EYA2: variants seen among roughly 807,000 people sequenced by gnomAD.
EYA2 encodes protein phosphatase EYA2.
Under a neutral mutation model 69.2 loss-of-function variants are expected in EYA2, and 31 were observed. The observed-to-expected ratio is 0.45, with a 90% CI of 0.34 to 0.60. The LOEUF (loss-of-function observed/expected upper bound fraction) is 0.60. EYA2 is among the 20% of genes least tolerant of loss of function. The pLI, the probability that EYA2 is intolerant of heterozygous loss-of-function variation, is 0.02. For synonymous variants in EYA2, 257 were observed against 279.4 expected (o/e 0.92, Z 0.80); for missense variants, 622 against 701.2 (o/e 0.89, Z 1.28).
chr20:47,182,075 G>A (rs538154645), intron 14 of EYA2, among the ~76,000 whole-genome samples: 89 of 152,016 alleles, frequency 5.9e-4, no homozygotes, highest in Non-Finnish European at 9.4e-4. Context: ...GAGGGCAGTG[G>A]TGCAATCTCG....
In EYA2 at chr20:47,004,944, C is replaced by A; in HGVS notation, c.158C>A (p.Ser53Tyr). The change falls in exon 4 of 16, where the codon TCT (serine) becomes TAT (tyrosine). Residue 53 changes from serine (S) to tyrosine (Y), a missense_variant and splice_region_variant. Transcript: ENST00000327619. ...TAATCTTCCCTCTTTCCACACAGAT[C>A]TTGCCCACGTGTCCTCCCCCGCCAG... ...PLRVSQLFSR[S>Y]CPRVLPRQPS... 6.2e-7 allele frequency: 1 copy of A among 1,614,104 alleles called. No individual in the cohort carries two copies. The highest frequency in any genetic ancestry group is 8.5e-7 in the Non-Finnish European group (1 of 1,179,990).
chr20:47,015,132 A>G (rs6124917), intron 4 of EYA2, among the ~76,000 whole-genome samples: 14,149 of 152,306 alleles, frequency 0.093, 1,095 homozygotes, highest in East Asian at 0.35. Flanking sequence ...ATTGTGTTCC[A>G]TAAAGCTGGT....
intron 10 of EYA2, among the ~76,000 whole-genome samples, chr20:47,146,076 G>T (rs953565113): frequency 6.6e-6 from 1 of 152,068 alleles, no homozygotes; most frequent in Non-Finnish European, 1.5e-5. Context: ...TGTGGAGGTT[G>T]GGGGAGAGAG....
At chr20:47,093,716 TG>T (rs2032158115) in intron 8 of EYA2, among the ~76,000 whole-genome samples, 2 of 152,258 alleles carry the variant, frequency 1.3e-5, no homozygotes, top group South Asian at 4.1e-4. Flanking sequence ...CCAAGAGCCA[TG>T]CCCTGTGCAC....
intron 12 of EYA2, among the ~76,000 whole-genome samples, chr20:47,174,779 T>A (rs1411668533): frequency 6.6e-6 from 1 of 152,214 alleles, no homozygotes; most frequent in Non-Finnish European, 1.5e-5. Context: ...TGACGGAGGT[T>A]AAGTAACCTG....
chr20:47,031,853 GA>G (rs1276686885), intron 5 of EYA2, among the ~76,000 whole-genome samples: 3 of 151,406 alleles, frequency 2.0e-5, no homozygotes, highest in African/African-American at 4.9e-5. Flanking sequence ...TGAGAAAAAG[GA>G]AAAAAAATGC....
intron 9 of EYA2, among the ~76,000 whole-genome samples, chr20:47,122,267 A>C (rs1037679604): frequency 1.0e-4 from 15 of 146,894 alleles, no homozygotes; most frequent in African/African-American, 3.3e-4. Flanking sequence ...CTGAAATGAA[A>C]TGTTTCTTAG....
At position 47,188,397 on chromosome 20, in the gene EYA2, C is replaced by G. The variant is rs1162896819; in HGVS notation, c.*264C>G. ...AGTCTAGACTCTTCTGTAAGACTCA[C>G]AGAACAAAAGCAAGGAATTGCTGAT... On this transcript the variant is annotated 3_prime_UTR_variant, in exon 16 of 16. Transcript: ENST00000327619. 2.4e-5 allele frequency: 14 copies of G among 574,306 alleles called. No homozygotes were observed. The highest frequency in any genetic ancestry group is 4.0e-5 in the Non-Finnish European group (13 of 322,734). 35.6% of individuals were successfully genotyped at this position (574,306 alleles called of 1,614,324 possible). A position where few individuals can be genotyped will look rare whatever the true frequency, so the allele number is the denominator to read the frequency against.
intron 4 of EYA2, among the ~76,000 whole-genome samples, chr20:47,014,062 G>T (rs1347148984): frequency 6.6e-6 from 1 of 152,180 alleles, no homozygotes; most frequent in Non-Finnish European, 1.5e-5. Context: ...TGGGATTGAT[G>T]TGAGGATAAA....
intron 10 of EYA2, among the ~76,000 whole-genome samples, chr20:47,145,478 A>G (rs1051667716): frequency 6.6e-6 from 1 of 152,194 alleles, no homozygotes; most frequent in Non-Finnish European, 1.5e-5. Context: ...TATTACAGCA[A>G]TCGAAGCTCA....
chr20:47,072,111 A>C, intron 5 of EYA2, 74 bp from the exon 6 acceptor site: 1 of 1,380,410 alleles, frequency 7.2e-7, no homozygotes, highest in Non-Finnish European at 1.0e-6. Context: ...GAGGTTCATG[A>C]AATGCTAACA....
At chr20:47,094,710 A>G (rs2073582620) in intron 8 of EYA2, among the ~76,000 whole-genome samples, 1 of 152,238 alleles carries the variant, frequency 6.6e-6, no homozygotes, top group Non-Finnish European at 1.5e-5. Flanking sequence ...GATCACCAGA[A>G]AAATAAAGAA....
At chr20:47,104,408 C>A (rs2032515683) in intron 9 of EYA2, among the ~76,000 whole-genome samples, 1 of 152,020 alleles carries the variant, frequency 6.6e-6, no homozygotes, top group African/African-American at 2.4e-5. Flanking sequence ...TTGTGGTATC[C>A]TTTGAAATAC....
chr20:47,020,543 T>G (rs6094559), intron 5 of EYA2, among the ~76,000 whole-genome samples: 1 of 151,942 alleles, frequency 6.6e-6, no homozygotes, highest in South Asian at 2.1e-4. Flanking sequence ...CTTTTTGGCT[T>G]CTTCTGGTAA....
intron 9 of EYA2, among the ~76,000 whole-genome samples, chr20:47,102,489 C>T (rs1050820430): frequency 3.0e-4 from 46 of 152,230 alleles, no homozygotes; most frequent in Non-Finnish European, 5.9e-5. Flanking sequence ...CAGCACTTTG[C>T]TTGTGGCCAT....
In EYA2 at chr20:47,106,685, G is replaced by C. The variant is rs554852540; in HGVS notation, c.888+9517G>C. Among the ~76,000 whole-genome samples the C allele has an allele frequency of 2.0e-5, 3 of 152,186 alleles. No individual in the cohort carries two copies. The East Asian group carries it at 5.8e-4, about 29-fold the overall frequency. On this transcript the variant is annotated intron_variant, in intron 9 of 15. Coordinates refer to ENST00000327619, the MANE Select transcript of EYA2 (RefSeq NM_005244.5). Reference sequence around the variant, plus strand: ...TCTGCCTGACCCCCTAGCCCAGACTGTCACTCTCTTAGGTTTTGCTTCCTG... The same window carrying C: ...TCTGCCTGACCCCCTAGCCCAGACTCTCACTCTCTTAGGTTTTGCTTCCTG...
intron 1 of EYA2, among the ~76,000 whole-genome samples, chr20:46,918,910 G>A (rs1328085286): frequency 2.0e-5 from 3 of 152,254 alleles, no homozygotes; most frequent in Non-Finnish European, 4.4e-5. Flanking sequence ...ATGGGCTGCA[G>A]AATGGATGCT....
intron 5 of EYA2, among the ~76,000 whole-genome samples, chr20:47,022,932 C>T (rs1983842856): frequency 6.6e-6 from 1 of 152,018 alleles, no homozygotes. Context: ...TAAAATTGTG[C>T]AACCATCACC....
At chr20:47,090,224 C>G (rs2032034703) in intron 8 of EYA2, among the ~76,000 whole-genome samples, 1 of 142,104 alleles carries the variant, frequency 7.0e-6, no homozygotes, top group Admixed American at 7.4e-5. Context: ...CAGGGATGCT[C>G]CAATCTTTTT....
Sources: gnomAD v4.1 joint callset for allele counts (sites outside exome capture counted in the v4.1 genomes callset) on GRCh38, gnomAD v4.1.1 for gene constraint, MANE v1.5 for transcripts, NCBI Gene and HGNC (gene_info 2026-07-23, HGNC 2026-07-21) for gene names.